The following ASTN2 variants were observed in gnomAD, a reference collection of about 807,000 sequenced individuals.
ASTN2 encodes the protein astrotactin 2, also known as astrotactin-2.
A neutral mutation model predicts 139.8 loss-of-function variants in ASTN2; 54 were observed. The ratio of observed to expected loss-of-function variants is 0.39; its 90% CI spans 0.31 to 0.48. The LOEUF is 0.48. Among genes scored for constraint, ASTN2 ranks in the 20% least tolerant of loss-of-function variants. The probability of loss-of-function intolerance (pLI) is 0.95; values close to 1 mark genes in which losing one functional copy is unlikely to be tolerated. For synonymous variants in ASTN2, 756 were observed against 719.5 expected, an observed-to-expected ratio of 1.05 and a Z score of -0.81; for missense variants, 1,565 against 1,725.1, an observed-to-expected ratio of 0.91 and a Z score of 1.64.
chr9:116,578,031 A>G (rs1301984992), intron 19 of ASTN2, among the ~76,000 whole-genome samples: 1 of 152,180 alleles, frequency 6.6e-6, no homozygotes. Flanking sequence ...CCTTACTCTG[A>G]AGGCAAAAGA....
In ASTN2 at chr9:116,964,260, C is replaced by T. The variant is rs1021826121; in HGVS notation, c.1889+10948G>A. Among the ~76,000 whole-genome samples, 140 of 137,974 alleles carry T rather than the reference C, an allele frequency of 1.0e-3. No homozygotes were observed. In the East Asian group the frequency reaches 0.013, roughly 13 times the overall value. 90.5% of individuals were successfully genotyped at this position (137,974 alleles called of 152,430 possible). ...GTGTGTGTGTGTGTGTGTGTGTGCG[C>T]GCGCGCGCGTGTGTGTTGACTACTG... On this transcript the variant is annotated intron_variant, in intron 10 of 22. Coordinates refer to ENST00000313400, the MANE Select transcript of ASTN2 (RefSeq NM_001365068.1).
chr9:116,936,991 T>C (rs1476273521), intron 10 of ASTN2, among the ~76,000 whole-genome samples: 1 of 152,142 alleles, frequency 6.6e-6, no homozygotes, highest in East Asian at 1.9e-4. Flanking sequence ...CCCTTCATTG[T>C]TTGAATTGTA....
intron 19 of ASTN2, among the ~76,000 whole-genome samples, chr9:116,564,368 C>G (rs1853076498): frequency 6.6e-6 from 1 of 152,144 alleles, no homozygotes; most frequent in African/African-American, 2.4e-5. Context: ...GGAGATGACT[C>G]AGCAGACCAG....
chr9:117,214,866 C>T (rs987922959), intron 2 of ASTN2, 124 bp from the exon 3 acceptor site: 97 of 1,147,586 alleles, frequency 8.5e-5, no homozygotes, highest in Non-Finnish European at 1.1e-4. Flanking sequence ...GCCTCAGGAA[C>T]CACCAGCCGT....
chr9:117,400,626 C>G (rs546166030), intron 1 of ASTN2, among the ~76,000 whole-genome samples: 33 of 152,282 alleles, frequency 2.2e-4, no homozygotes, highest in Non-Finnish European at 4.6e-4. Context: ...CTTGAAAACT[C>G]TAGTCGCACC....
At chr9:117,335,813 G>A (rs984101712) in intron 1 of ASTN2, among the ~76,000 whole-genome samples, 1 of 152,044 alleles carries the variant, frequency 6.6e-6, no homozygotes, top group African/African-American at 2.4e-5. Flanking sequence ...AGATCACCCA[G>A]CACTTCAATG....
chr9:116,575,941 G>A (rs1352402068), intron 19 of ASTN2, among the ~76,000 whole-genome samples: 1 of 152,194 alleles, frequency 6.6e-6, no homozygotes, highest in Non-Finnish European at 1.5e-5. Context: ...ATGGGGAGAG[G>A]AAGAGGGAGG....
At chr9:116,686,390 T>G (rs1381211310) in intron 16 of ASTN2, among the ~76,000 whole-genome samples, 1 of 152,190 alleles carries the variant, frequency 6.6e-6, no homozygotes, top group Non-Finnish European at 1.5e-5. Flanking sequence ...TCATTGTTTT[T>G]GTTTATTGTT....
chr9:117,060,533 G>GGAAGGAAGGAAA (rs1839254683), intron 5 of ASTN2, among the ~76,000 whole-genome samples: 1 of 118,720 alleles, frequency 8.4e-6, no homozygotes, highest in African/African-American at 3.7e-5. Flanking sequence ...AAGGAAGGAA[G>GGAAGGAAGGAAA]GAAAGAAAGA....
chr9:116,712,815 T>C (rs1828203120), intron 16 of ASTN2, among the ~76,000 whole-genome samples: 1 of 152,212 alleles, frequency 6.6e-6, no homozygotes, highest in Non-Finnish European at 1.5e-5. Context: ...GTGTGTTATA[T>C]GAAATATATC....
intron 2 of ASTN2, among the ~76,000 whole-genome samples, chr9:117,287,144 A>T (rs1339645806): frequency 6.6e-6 from 1 of 152,180 alleles, no homozygotes; most frequent in Non-Finnish European, 1.5e-5. Context: ...CAGTGGTGGC[A>T]GTCATTATTT....
intron 20 of ASTN2, among the ~76,000 whole-genome samples, chr9:116,453,537 C>T (rs1376241553): frequency 4.0e-5 from 5 of 124,880 alleles, no homozygotes; most frequent in Non-Finnish European, 6.3e-5. Flanking sequence ...GAGCTTGCAG[C>T]GAGCTGAGAT....
chr9:117,036,678 A>G (rs36106897), intron 6 of ASTN2, among the ~76,000 whole-genome samples: 3 of 152,022 alleles, frequency 2.0e-5, no homozygotes, highest in African/African-American at 7.3e-5. Flanking sequence ...AAATTGGCCA[A>G]TCTCAAATCT....
chr9:117,258,011 A>G (rs1447459705), intron 2 of ASTN2, among the ~76,000 whole-genome samples: 1 of 152,180 alleles, frequency 6.6e-6, no homozygotes, highest in Non-Finnish European at 1.5e-5. Flanking sequence ...TCACTGCTCA[A>G]GATGCCAGCT....
chr9:117,073,109 G>C (rs1384425649), intron 5 of ASTN2, among the ~76,000 whole-genome samples: 1 of 152,136 alleles, frequency 6.6e-6, no homozygotes, highest in Non-Finnish European at 1.5e-5. Flanking sequence ...CAAAATGAAA[G>C]AGAAAGACTG....
chr9:116,609,529 A>G (rs551608818), intron 19 of ASTN2, among the ~76,000 whole-genome samples: 3 of 151,662 alleles, frequency 2.0e-5, no homozygotes, highest in Non-Finnish European at 4.4e-5. Flanking sequence ...ATGCACAGCA[A>G]TAATATCTTA....
chr9:116,434,053 C>G (rs1057241674), intron 22 of ASTN2, among the ~76,000 whole-genome samples: 1 of 151,772 alleles, frequency 6.6e-6, no homozygotes, highest in Non-Finnish European at 1.5e-5. Flanking sequence ...AGTTCAAAGT[C>G]CAAAGTCAGT....
intron 2 of ASTN2, among the ~76,000 whole-genome samples, chr9:117,252,569 A>G (rs979211701): frequency 2.0e-5 from 3 of 152,284 alleles, no homozygotes; most frequent in Non-Finnish European, 2.9e-5. Context: ...TTCTTTGCAC[A>G]AGGTCATTAA....
chr9:117,387,185 A>G (rs147034835), intron 1 of ASTN2, among the ~76,000 whole-genome samples: 2 of 152,320 alleles, frequency 1.3e-5, no homozygotes, highest in African/African-American at 4.8e-5. Flanking sequence ...GGTATACAGA[A>G]GGTGCTCAGT....
Sources: gnomAD v4.1 joint callset for allele counts (sites outside exome capture counted in the v4.1 genomes callset) on GRCh38, gnomAD v4.1.1 for gene constraint, MANE v1.5 for transcripts, NCBI Gene and HGNC (gene_info 2026-07-23, HGNC 2026-07-21) for gene names.